Variants in TXNRD1 observed in about 807,000 individuals in gnomAD.
The protein encoded by TXNRD1 is thioredoxin reductase 1, cytoplasmic.
In TXNRD1, 57 loss-of-function variants were observed where a neutral mutation model predicts 80.3. That is an observed-to-expected ratio of 0.71 (90% CI 0.57 to 0.89). TXNRD1 has a LOEUF of 0.89. Ranked by LOEUF, TXNRD1 falls within the 40% of genes least tolerant of loss-of-function variation. The pLI is 0.00. For missense variants in TXNRD1, 730 were observed against 803.0 expected (o/e 0.91, Z 1.10); for synonymous variants, 291 against 285.2 (o/e 1.02, Z -0.20).
chr12:104,342,115 G>T (rs759850776), intron 16 of TXNRD1, among the ~76,000 whole-genome samples: 16 of 152,046 alleles, frequency 1.1e-4, no homozygotes, highest in Admixed American at 2.0e-4. Flanking sequence ...TGTTTATAGA[G>T]GTCCCATTAT....
At chr12:104,276,906 A>G (rs1460358886) in intron 3 of TXNRD1, among the ~76,000 whole-genome samples, 1 of 152,204 alleles carries the variant, frequency 6.6e-6, no homozygotes, top group Non-Finnish European at 1.5e-5. Context: ...GATGGTTCTA[A>G]GAGTGGGGAC....
rs1039481622 is a variant in TXNRD1 at position 104,277,525 on chromosome 12, T to A, written c.305-11406T>A. Among the ~76,000 whole-genome samples the A allele has an allele frequency of 5.9e-5, 9 of 152,294 alleles. No homozygotes were observed. The East Asian group carries it at 1.7e-3, about 29-fold the overall frequency. On this transcript the variant is annotated intron_variant, in intron 3 of 16. Transcript: ENST00000525566. ...CTGTGGTGAGCTATGATTGTGCCAC[T>A]GCACTCCAGCCTGGATGACAGAGCA...
At chr12:104,254,568 G>A (rs1273702123) in intron 2 of TXNRD1, among the ~76,000 whole-genome samples, 2 of 139,638 alleles carry the variant, frequency 1.4e-5, no homozygotes, top group Non-Finnish European at 3.0e-5. Context: ...AAGGCAAGAG[G>A]TTCACCTGAA....
chr12:104,252,690 A>ATT lies in TXNRD1; in HGVS notation c.243+1041_243+1042dup, dbSNP rs869239974. Among the ~76,000 whole-genome samples, 67 of 39,668 alleles carry ATT rather than the reference A, an allele frequency of 1.7e-3. 7 individuals are homozygous for ATT. Among genetic ancestry groups the ATT allele is most frequent in the African/African-American group, 2.7e-3 (23 of 8,542 alleles). 26.0% of individuals were successfully genotyped at this position (39,668 alleles called of 152,430 possible). ...TATATATATATATATATATATATAT[A>ATT]TTTTTTTTTTTTTTTTTTTTTTTTT... On this transcript the variant is annotated intron_variant, in intron 2 of 16. Transcript: ENST00000525566.
chr12:104,241,937 A>AT (rs747774973), intron 1 of TXNRD1, among the ~76,000 whole-genome samples: 3,748 of 95,440 alleles, frequency 0.039, 315 homozygotes, highest in East Asian at 0.17. Context: ...TATACTAATG[A>AT]TTTTTTTTTT....
At chr12:104,290,752 T>TACATATAAA (rs1453751139) in intron 4 of TXNRD1, among the ~76,000 whole-genome samples, 1 of 122,720 alleles carries the variant, frequency 8.1e-6, no homozygotes, top group Non-Finnish European at 1.7e-5. Context: ...TATATATATA[T>TACATATAAA]ATATATGTAT....
intron 4 of TXNRD1, chr12:104,305,063 GT>G: frequency 1.0e-6 from 1 of 996,342 alleles, no homozygotes; most frequent in African/African-American, 1.6e-5. Context: ...ATCAGACATT[GT>G]TTTACTGTGC....
intron 8 of TXNRD1, 39 bp downstream of exon 8, chr12:104,319,094 T>TTTTTCTC: frequency 6.4e-7 from 1 of 1,565,828 alleles, no homozygotes; most frequent in Non-Finnish European, 8.6e-7. Flanking sequence ...TTTTTTTTCT[T>TTTTTCTC]TTTTCTCTTT....
intron 1 of TXNRD1, among the ~76,000 whole-genome samples, chr12:104,233,452 A>T (rs1490870983): frequency 6.6e-6 from 1 of 152,054 alleles, no homozygotes; most frequent in Non-Finnish European, 1.5e-5. Flanking sequence ...ACTCACAGAG[A>T]GTTTCCAAAT....
intron 16 of TXNRD1, chr12:104,346,046 C>A: frequency 8.0e-7 from 1 of 1,248,996 alleles, no homozygotes; most frequent in South Asian, 1.2e-5. Context: ...AGATAGGGTT[C>A]CTGTCACCCA....
intron 3 of TXNRD1, among the ~76,000 whole-genome samples, chr12:104,274,786 T>C (rs573189773): frequency 3.3e-5 from 5 of 152,302 alleles, no homozygotes; most frequent in Admixed American, 2.0e-4. Flanking sequence ...TGTTTACCAC[T>C]ACTAATTAGT....
chr12:104,308,733 A>G (rs973223750), intron 4 of TXNRD1, among the ~76,000 whole-genome samples: 10 of 151,952 alleles, frequency 6.6e-5, no homozygotes, highest in Middle Eastern at 3.4e-3. Context: ...GGATGGGGGA[A>G]TTTTTCTCCT....
chr12:104,216,426 C>T (rs1446378782), intron 1 of TXNRD1, among the ~76,000 whole-genome samples: 2 of 152,228 alleles, frequency 1.3e-5, no homozygotes. Flanking sequence ...GAATTTTGGG[C>T]ACATTTCTCC....
chr12:104,305,074 C>G, intron 4 of TXNRD1: 1 of 904,366 alleles, frequency 1.1e-6, no homozygotes, highest in Non-Finnish European at 1.6e-6. Context: ...TTTTACTGTG[C>G]AGCATATTTT....
intron 3 of TXNRD1, among the ~76,000 whole-genome samples, chr12:104,285,119 G>A (rs1046983695): frequency 1.3e-5 from 2 of 152,130 alleles, no homozygotes; most frequent in Admixed American, 1.3e-4. Flanking sequence ...AGGTTGCAGT[G>A]AGCTGAGATG....
intron 4 of TXNRD1, chr12:104,303,598 G>A (rs1256753275): frequency 6.5e-6 from 2 of 307,542 alleles, no homozygotes; most frequent in Admixed American, 5.2e-5. Context: ...TGAGGTCAGG[G>A]CCCATCATTG....
In TXNRD1 at chr12:104,311,757, G is replaced by T. The variant is rs904173788; in HGVS notation, c.537+345G>T. On this transcript the variant is annotated intron_variant, in intron 5 of 16. Transcript: ENST00000525566. Reference sequence around the variant, plus strand: ...GCACTTTGGGAGTCCGAGGTGGGCGGATCACCTGAGGTCAGGAGTTCAAGA... The same window carrying T: ...GCACTTTGGGAGTCCGAGGTGGGCGTATCACCTGAGGTCAGGAGTTCAAGA... 2.6e-5 allele frequency among the ~76,000 whole-genome samples: 4 copies of T among 152,124 alleles called. No homozygotes were observed. The South Asian group carries it at 8.3e-4, about 32-fold the overall frequency.
At chr12:104,240,942 C>T (rs1032939914) in intron 1 of TXNRD1, among the ~76,000 whole-genome samples, 3 of 151,620 alleles carry the variant, frequency 2.0e-5, no homozygotes, top group Non-Finnish European at 2.9e-5. Context: ...GGGGTTTCAC[C>T]GTGTTAGCCA....
intron 3 of TXNRD1, chr12:104,265,893 G>GAA (rs34390973): frequency 3.2e-3 from 1,835 of 574,210 alleles, no homozygotes; most frequent in South Asian, 0.011. Flanking sequence ...CGCCCCGGTG[G>GAA]AAAAAAAAAA....
Sources: allele counts gnomAD v4.1 joint callset (sites outside exome capture counted in the v4.1 genomes callset), GRCh38; gene constraint gnomAD v4.1.1; transcripts MANE v1.5; gene names NCBI Gene and HGNC (gene_info 2026-07-23, HGNC 2026-07-21).